The following FBXL3 variants were observed in gnomAD, a reference collection of about 807,000 sequenced individuals.
The protein encoded by FBXL3 is F-box and leucine rich repeat protein 3, also known as F-box/LRR-repeat protein 3.
Under a neutral mutation model 37.9 loss-of-function variants are expected in FBXL3, and 14 were observed. The observed-to-expected ratio is 0.37, with a 90% CI of 0.24 to 0.58. The LOEUF is 0.58. Among genes scored for constraint, FBXL3 ranks in the 20% least tolerant of loss-of-function variants. FBXL3 has a pLI of 0.74. For synonymous variants in FBXL3, 194 were observed against 180.1 expected (o/e 1.08, Z -0.62); for missense variants, 327 against 511.1 (o/e 0.64, Z 3.47).
At chr13:77,019,927 G>A (rs932965404) in intron 2 of FBXL3, among the ~76,000 whole-genome samples, 4 of 151,188 alleles carry the variant, frequency 2.6e-5, no homozygotes, top group African/African-American at 9.7e-5. Context: ...TTGTATCACA[G>A]GGCTATAAAA....
intron 4 of FBXL3, chr13:77,008,906 C>T (rs1487886720): frequency 6.6e-6 from 1 of 152,170 alleles, no homozygotes; most frequent in Non-Finnish European, 1.5e-5. Flanking sequence ...GTAAGTTACC[C>T]ATTCAATCCA....
intron 4 of FBXL3, chr13:77,014,246 T>C (rs1299080811): frequency 2.6e-5 from 4 of 152,208 alleles, no homozygotes; most frequent in African/African-American, 4.8e-5. Flanking sequence ...TGTAGTTCCA[T>C]AGGACCCAAG....
At position 77,026,925 on chromosome 13, in the gene FBXL3, C is replaced by T. The variant is rs1028314118; in HGVS notation, c.-100G>A. ...TCTCACATGAGGCGCCCCTGGCCCC[C>T]CGCTTCGCGCTCCCGCAGCCGCGGC... On this transcript the variant is annotated 5_prime_UTR_variant, in exon 1 of 5. Transcript: ENST00000355619. The T allele has an allele frequency of 1.3e-5, 2 of 151,586 alleles. No homozygotes were observed. Among genetic ancestry groups the T allele is most frequent in the African/African-American group, 4.8e-5 (2 of 41,300 alleles). 9.4% of individuals were successfully genotyped at this position (151,586 alleles called of 1,614,324 possible).
intron 1 of FBXL3, among the ~76,000 whole-genome samples, chr13:77,023,919 A>G (rs1287589192): frequency 6.6e-6 from 1 of 152,268 alleles, no homozygotes; most frequent in African/African-American, 2.4e-5. Context: ...CCTTAATGCC[A>G]TGAAAGTCAG....
chr13:77,017,673 T>C (rs989426279), intron 3 of FBXL3: 20 of 152,142 alleles, frequency 1.3e-4, no homozygotes, highest in African/African-American at 4.8e-4. Flanking sequence ...ATTTCCCTTA[T>C]TTTATATGTG....
At chr13:77,018,836 T>TA (rs2034691013) in intron 2 of FBXL3, 114 bp from the exon 3 acceptor site, 1 of 813,526 alleles carries the variant, frequency 1.2e-6, no homozygotes, top group African/African-American at 1.8e-5. Context: ...TCTGTACACA[T>TA]ATTCATTTTA....
chr13:77,024,891 AT>A (rs1253690696), intron 1 of FBXL3, among the ~76,000 whole-genome samples: 4 of 152,226 alleles, frequency 2.6e-5, no homozygotes, highest in African/African-American at 9.6e-5. Flanking sequence ...TCCAATAAAA[AT>A]ATCCTCTGCA....
At chr13:77,013,041 G>A (rs2034582240) in intron 4 of FBXL3, 2 of 152,360 alleles carry the variant, frequency 1.3e-5, no homozygotes, top group African/African-American at 4.8e-5. Flanking sequence ...CCAAAGTGCT[G>A]GGATTAACAG....
intron 1 of FBXL3, among the ~76,000 whole-genome samples, chr13:77,023,041 T>G (rs2034773470): frequency 6.6e-6 from 1 of 152,196 alleles, no homozygotes; most frequent in Non-Finnish European, 1.5e-5. Flanking sequence ...ATGACTGTTG[T>G]GTAGGAAAGC....
Position 77,026,949 on chromosome 13 carries a change from G to GC in FBXL3, c.-125dup, listed in dbSNP as rs1350830551. On this transcript the variant is annotated 5_prime_UTR_variant, in exon 1 of 5. It removes the in-frame stop codon of an upstream open reading frame in the 5' UTR. Coordinates refer to ENST00000355619, the MANE Select transcript of FBXL3 (RefSeq NM_012158.4). ...CCCGCTTCGCGCTCCCGCAGCCGCG[G>GC]CCCCCCGCGCTCCGCCCGCATCCGA... is the stretch of plus-strand genomic sequence containing the variant. The GC allele has an allele frequency of 6.6e-6, 1 of 151,780 alleles. No homozygotes were observed. Among genetic ancestry groups the GC allele is most frequent in the Non-Finnish European group, 1.5e-5 (1 of 67,906 alleles). 9.4% of individuals were successfully genotyped at this position (151,780 alleles called of 1,614,324 possible). A position where few individuals can be genotyped will look rare whatever the true frequency, so the allele number is the denominator to read the frequency against.
chr13:77,012,651 T>C (rs144339044), intron 4 of FBXL3: 45 of 152,330 alleles, frequency 3.0e-4, no homozygotes, highest in African/African-American at 1.1e-3. Flanking sequence ...GAAAGTAGAA[T>C]ACAGTCCCTA....
At chr13:77,019,396 T>C (rs2034701712) in intron 2 of FBXL3, among the ~76,000 whole-genome samples, 1 of 152,212 alleles carries the variant, frequency 6.6e-6, no homozygotes, top group Non-Finnish European at 1.5e-5. Context: ...AAAAAGTTAG[T>C]TGTTTCCTGG....
At chr13:77,011,550 C>T (rs1435481584) in intron 4 of FBXL3, among the ~76,000 whole-genome samples, 1 of 151,768 alleles carries the variant, frequency 6.6e-6, no homozygotes, top group African/African-American at 2.4e-5. Flanking sequence ...GGCAAAACCC[C>T]ATCTCTACAA....
chr13:77,017,240 CAAATTAGTACTAGAT>C (rs1313671978), intron 3 of FBXL3: 2 of 151,760 alleles, frequency 1.3e-5, no homozygotes, highest in African/African-American at 4.8e-5. Flanking sequence ...TCATGGTTCC[CAAATTAGTACTAGAT>C]ATATGCATAG....
chr13:77,011,200 T>C (rs927791509), intron 4 of FBXL3, among the ~76,000 whole-genome samples: 2 of 151,518 alleles, frequency 1.3e-5, no homozygotes, highest in Non-Finnish European at 2.9e-5. Context: ...ATTAGCCGGA[T>C]GTGGTGGCGG....
rs114899502 is a variant in FBXL3, at chr13:77,020,763, G to A, written c.348+750C>T. 3.8e-3 allele frequency among the ~76,000 whole-genome samples: 574 copies of A among 152,054 alleles called. 3 individuals carry two copies. The highest frequency in any genetic ancestry group is 0.013 in the African/African-American group (540 of 41,458). On this transcript the variant is annotated intron_variant, in intron 2 of 4. Transcript: ENST00000355619. Reference sequence around the variant, plus strand: ...TTTTTTTAAATAGAGACAGGGTCTCGCTCTGTCACCAAGGCTGTAGTACAG... The same window carrying A: ...TTTTTTTAAATAGAGACAGGGTCTCACTCTGTCACCAAGGCTGTAGTACAG...
At chr13:77,021,382 C>T (rs1303392815) in intron 2 of FBXL3, 131 bp downstream of exon 2, 11 of 632,132 alleles carry the variant, frequency 1.7e-5, no homozygotes, top group East Asian at 1.7e-4. Flanking sequence ...CTAAGGTATA[C>T]AATAATTCTA....
intron 4 of FBXL3, chr13:77,010,186 G>A (rs1365593361): frequency 6.6e-6 from 1 of 151,986 alleles, no homozygotes; most frequent in Non-Finnish European, 1.5e-5. Context: ...AAACCACCGT[G>A]GCACGTGTAT....
chr13:77,025,384 G>A (rs2034818188), intron 1 of FBXL3, among the ~76,000 whole-genome samples: 2 of 152,190 alleles, frequency 1.3e-5, no homozygotes, highest in South Asian at 4.1e-4. Flanking sequence ...AAAGACCACA[G>A]ACTAGCTGAG....
Sources: gnomAD v4.1 joint callset for allele counts (sites outside exome capture counted in the v4.1 genomes callset) on GRCh38, gnomAD v4.1.1 for gene constraint, MANE v1.5 for transcripts, NCBI Gene and HGNC (gene_info 2026-07-23, HGNC 2026-07-21) for gene names.